SOX30: variants seen among roughly 807,000 people sequenced by gnomAD.
The protein encoded by SOX30 is SRY-box transcription factor 30.
SOX30 carries 17 observed loss-of-function variants against 58.6 expected under a neutral mutation model. The observed-to-expected ratio is 0.29, with a 90% CI of 0.20 to 0.44. The LOEUF (loss-of-function observed/expected upper bound fraction) is 0.44, where lower values mean the gene tolerates loss of function less well. SOX30 is among the 20% of genes least tolerant of loss of function. The pLI is 1.00. For synonymous variants in SOX30, 421 were observed against 400.2 expected (o/e 1.05, Z -0.62); for missense variants, 951 against 965.8 (o/e 0.98, Z 0.20).
At chr5:157,630,197 CTGGTTTCCTTTAGTTCTTTGTCCA>C (rs1409969925) in intron 4 of SOX30, among the ~76,000 whole-genome samples, 5 of 152,186 alleles carry the variant, frequency 3.3e-5, no homozygotes, top group East Asian at 3.9e-4. Flanking sequence ...CACTGTTCTC[CTGGTTTCCTTTAGTTCTTTGTCCA>C]TGGTTTCCTT....
chr5:157,659,568 A>G (rs1759540075), intron 2 of SOX30, among the ~76,000 whole-genome samples: 1 of 152,216 alleles, frequency 6.6e-6, no homozygotes, highest in Non-Finnish European at 1.5e-5. Flanking sequence ...CATTCCTTCC[A>G]TCTATGTACT....
chr5:157,652,694 T>C (rs1020295721), upstream of SOX30, among the ~76,000 whole-genome samples: 6 of 152,228 alleles, frequency 3.9e-5, no homozygotes, highest in African/African-American at 1.2e-4. Context: ...AAGTTTCAAT[T>C]AATCACCAGG....
chr5:157,666,147 T>G (rs1166794056), intron 2 of SOX30, among the ~76,000 whole-genome samples: 1 of 152,010 alleles, frequency 6.6e-6, no homozygotes, highest in East Asian at 1.9e-4. Context: ...TTTTTGTTTT[T>G]TGTTTTTGTT....
chr5:157,651,752 G>A lies in SOX30; in HGVS notation c.327C>T (p.Leu109=). The stretch of plus-strand genomic sequence containing the variant: ...CGTCTGACGCTGTCGGCGGCTGCAG[G>A]AGCCGCAGGTCGGGCCTGAACTGCA... ...RLLQFRPDLR[L]LQPPTASDGA... is the part of the protein sequence containing the mutation. Residue 109 remains leucine, a synonymous_variant, in exon 1 of 5, where the codon CTC becomes CTT. Coordinates refer to ENST00000265007, the MANE Select transcript of SOX30 (RefSeq NM_178424.2). 1 of 1,557,392 alleles carries A rather than the reference G, an allele frequency of 6.4e-7. No individual in the cohort carries two copies. Among genetic ancestry groups the A allele is most frequent in the East Asian group, 2.4e-5 (1 of 41,640 alleles).
At chr5:157,639,634 T>C (rs1759015433) in intron 3 of SOX30, among the ~76,000 whole-genome samples, 1 of 152,200 alleles carries the variant, frequency 6.6e-6, no homozygotes, top group African/African-American at 2.4e-5. Context: ...GGACTACTGA[T>C]TGAGCTGCTA....
At chr5:157,670,608 A>G (rs559073691) in intron 1 of SOX30, among the ~76,000 whole-genome samples, 79 of 152,328 alleles carry the variant, frequency 5.2e-4, no homozygotes, top group Middle Eastern at 3.4e-3. Context: ...AAATCACAAG[A>G]AATCTGAAGA....
intron 4 of SOX30, among the ~76,000 whole-genome samples, chr5:157,626,981 C>G (rs1758671971): frequency 6.6e-6 from 1 of 152,186 alleles, no homozygotes; most frequent in Admixed American, 6.5e-5. Context: ...ACCATGATAA[C>G]AAAATTGCTT....
chr5:157,647,709 C>G (rs765922777), intron 2 of SOX30, among the ~76,000 whole-genome samples: 4 of 152,166 alleles, frequency 2.6e-5, no homozygotes, highest in Admixed American at 6.5e-5. Context: ...TGCCCAACAC[C>G]ATGCCCAGCT....
In SOX30 at chr5:157,638,668, G is replaced by C. The variant is rs1472639165; in HGVS notation, c.1442C>G (p.Pro481Arg). 5 of 1,614,028 alleles carry C rather than the reference G, an allele frequency of 3.1e-6. No homozygotes were observed. The highest frequency in any genetic ancestry group is 1.7e-5 in the Admixed American group (1 of 59,998). The part of the protein sequence containing the change: ...LPTPAVQSPS[P>R]VTLFQPSVSS... ...GACGCTGGGCTGGAAAAGTGTGACA[G>C]GGCTTGGGCTCTGGACTGCAGGTGT... The change falls in exon 4 of 5, where the codon CCT becomes CGT. Residue 481 changes from proline (P) to arginine (R), a missense_variant. Physicochemically the swap from Pro to Arg is moderately radical, Grantham distance 103. This residue lies in a region of SOX30 where 381 missense variants were observed against 390.0 expected (regional missense o/e 0.98). Transcript: ENST00000265007.
At position 157,670,254 on chromosome 5, in the gene SOX30, A is replaced by G. The variant is rs1034457279; in HGVS notation, c.-4+1076T>C. ...GCTAGTTAAGAAATATTTATCAGGCACTGTATTAGGTGTTGGAGATACTGA... is the reference window on the plus strand; with the variant it reads ...GCTAGTTAAGAAATATTTATCAGGCGCTGTATTAGGTGTTGGAGATACTGA... On this transcript the variant is annotated intron_variant, in intron 1 of 5. Transcript: ENST00000519442. Among the ~76,000 whole-genome samples the G allele has an allele frequency of 7.2e-5, 11 of 152,194 alleles. No homozygotes were observed. In the South Asian group the frequency reaches 1.0e-3, roughly 14 times the overall value.
chr5:157,665,898 TCC>T (rs1323710681), intron 2 of SOX30, among the ~76,000 whole-genome samples: 3 of 147,306 alleles, frequency 2.0e-5, no homozygotes, highest in South Asian at 4.2e-4. Flanking sequence ...TGCAGGATAT[TCC>T]CTTTTTTTTT....
intron 2 of SOX30, among the ~76,000 whole-genome samples, chr5:157,663,409 A>G (rs1759611646): frequency 6.6e-6 from 1 of 152,232 alleles, no homozygotes; most frequent in African/African-American, 2.4e-5. Flanking sequence ...ACAGCCCTTC[A>G]TGCTAAAAAC....
At chr5:157,657,292 A>G (rs927468486), upstream of SOX30, among the ~76,000 whole-genome samples, 2 of 152,172 alleles carry the variant, frequency 1.3e-5, no homozygotes, top group African/African-American at 2.4e-5. Flanking sequence ...ATTGTTACAT[A>G]AAATCATTGT....
At chr5:157,669,524 T>TTATA (rs1759735940) in intron 1 of SOX30, among the ~76,000 whole-genome samples, 1 of 147,616 alleles carries the variant, frequency 6.8e-6, no homozygotes, top group Non-Finnish European at 1.5e-5. Flanking sequence ...ATTTATTTAT[T>TTATA]TATTTATCTG....
chr5:157,629,344 CCAA>C, intron 4 of SOX30, among the ~76,000 whole-genome samples: 1 of 152,180 alleles, frequency 6.6e-6, no homozygotes, highest in East Asian at 1.9e-4. Context: ...AATAATTCAC[CCAA>C]CAACTGTCTT....
chr5:157,626,752 G>C (rs1758667359), intron 4 of SOX30, 31 bp from the exon 5 acceptor site: 1 of 1,559,390 alleles, frequency 6.4e-7, no homozygotes, highest in African/African-American at 1.4e-5. Context: ...CAAGGAATTA[G>C]ATCTTGCCCA....
At chr5:157,647,566 T>A (rs1170221765) in intron 2 of SOX30, among the ~76,000 whole-genome samples, 1 of 151,878 alleles carries the variant, frequency 6.6e-6, no homozygotes, top group African/African-American at 2.4e-5. Flanking sequence ...CAGTCACTAT[T>A]TTTTTTGAGA....
chr5:157,648,967 T>C (rs1759261305), intron 1 of SOX30, 71 bp from the exon 2 acceptor site: 1 of 1,523,836 alleles, frequency 6.6e-7, no homozygotes, highest in Non-Finnish European at 8.8e-7. Context: ...TAAGGTAAAG[T>C]GCACCTCCGT....
chr5:157,647,131 G>A (rs1033099494), intron 2 of SOX30, among the ~76,000 whole-genome samples: 5 of 150,332 alleles, frequency 3.3e-5, no homozygotes, highest in Admixed American at 2.0e-4. Context: ...GCACAATCTC[G>A]GCTCACTGCA....
Sources: gnomAD v4.1 joint callset for allele counts (sites outside exome capture counted in the v4.1 genomes callset) on GRCh38, gnomAD v4.1.1 for gene constraint, gnomAD v4.1.1 regional missense constraint, MANE v1.5 for transcripts, NCBI Gene and HGNC (gene_info 2026-07-23, HGNC 2026-07-21) for gene names.